The following SH2D4A variants were observed in gnomAD, a reference collection of about 807,000 sequenced individuals.
The protein encoded by SH2D4A is SH2 domain-containing protein 4A.
SH2D4A carries 70 observed loss-of-function variants against 64.7 expected under a neutral mutation model. The observed-to-expected ratio is 1.08, with a 90% CI of 0.89 to 1.32. The LOEUF (loss-of-function observed/expected upper bound fraction) is 1.32, where lower values mean the gene tolerates loss of function less well. Among genes scored for constraint, SH2D4A ranks in the 40% most tolerant of loss-of-function variants. The pLI is 0.00. For missense variants in SH2D4A, 706 were observed against 540.1 expected, an observed-to-expected ratio of 1.31 and a Z score of -3.04; for synonymous variants, 268 against 200.7, an observed-to-expected ratio of 1.34 and a Z score of -2.83.
rs2052146360 is a variant in SH2D4A, at chr8:19,319,427, G to T, written c.-121G>T. On this transcript the variant is annotated 5_prime_UTR_variant, in exon 2 of 10. Coordinates refer to ENST00000265807, the MANE Select transcript of SH2D4A (RefSeq NM_022071.4). ...CTGAATTATTGTCCCAGTCAGCCAG[G>T]ATTGTGAGCTGTTTGGGAAGTTTCG... The T allele has an allele frequency of 7.6e-7, 1 of 1,322,474 alleles. No homozygotes were observed. Among genetic ancestry groups the T allele is most frequent in the Non-Finnish European group, 9.7e-7 (1 of 1,032,818 alleles). 81.9% of individuals were successfully genotyped at this position (1,322,474 alleles called of 1,614,324 possible). A position where few individuals can be genotyped will look rare whatever the true frequency, so the allele number is the denominator to read the frequency against.
chr8:19,346,106 A>C (rs1474822650), intron 4 of SH2D4A, among the ~76,000 whole-genome samples: 1 of 152,270 alleles, frequency 6.6e-6, no homozygotes, highest in Non-Finnish European at 1.5e-5. Context: ...AACAAGTACC[A>C]GATACCTGGA....
chr8:19,378,752 T>C (rs2053237769), intron 8 of SH2D4A, among the ~76,000 whole-genome samples: 1 of 151,882 alleles, frequency 6.6e-6, no homozygotes, highest in African/African-American at 2.4e-5. Context: ...ATATCCATAA[T>C]ACTGTACAAC....
intron 1 of SH2D4A, among the ~76,000 whole-genome samples, chr8:19,315,663 A>G (rs1027801042): frequency 6.6e-6 from 1 of 152,196 alleles, no homozygotes; most frequent in Non-Finnish European, 1.5e-5. Flanking sequence ...CTTTTAAGAA[A>G]GGGGCTGTGT....
In SH2D4A at chr8:19,326,663, AGT is replaced by A. The variant is rs909908221; in HGVS notation, c.182-6279_182-6278del. 6.4e-5 allele frequency among the ~76,000 whole-genome samples: 7 copies of A among 109,456 alleles called. No individual in the cohort carries two copies. The South Asian group carries it at 1.6e-3, about 25-fold the overall frequency. 71.8% of individuals were successfully genotyped at this position (109,456 alleles called of 152,430 possible). ...CCCACATCGTGTGTGTGTATGTGTGAGTGTGTGTGTGTGTAGTGTGTGTGAGA... is the reference window on the plus strand; with the variant it reads ...CCCACATCGTGTGTGTGTATGTGTGAGTGTGTGTGTGTAGTGTGTGTGAGA... On this transcript the variant is annotated intron_variant, in intron 2 of 9. Transcript: ENST00000265807.
rs529466128 is a variant in SH2D4A, at chr8:19,350,538, A to G, written c.514-6665A>G. On this transcript the variant is annotated intron_variant, in intron 4 of 9. Transcript: ENST00000265807. ...TACTCTGTCTCCCAGGCTGGAATGC[A>G]GTGGTGAGATCCTGGCTCACTGTAG... Among the ~76,000 whole-genome samples, 3 of 152,290 alleles carry G rather than the reference A, an allele frequency of 2.0e-5. No individual in the cohort carries two copies. In the East Asian group the frequency reaches 5.8e-4, roughly 29 times the overall value.
chr8:19,364,474 T>A (rs2052954492), intron 7 of SH2D4A, among the ~76,000 whole-genome samples, 192 bp downstream of exon 7: 1 of 152,154 alleles, frequency 6.6e-6, no homozygotes, highest in Non-Finnish European at 1.5e-5. Flanking sequence ...CTTTTTTAGC[T>A]GTCAAATGTC....
At chr8:19,393,927 T>C (rs2053542520) in intron 9 of SH2D4A, among the ~76,000 whole-genome samples, 1 of 152,188 alleles carries the variant, frequency 6.6e-6, no homozygotes, top group African/African-American at 2.4e-5. Flanking sequence ...GCACATTACA[T>C]TGATTGTGCA....
chr8:19,348,545 T>C (rs2052647445), intron 4 of SH2D4A, among the ~76,000 whole-genome samples: 1 of 152,158 alleles, frequency 6.6e-6, no homozygotes, highest in South Asian at 2.1e-4. Context: ...CGCTGTCCAC[T>C]CCGGAACGAT....
intron 2 of SH2D4A, among the ~76,000 whole-genome samples, chr8:19,331,400 G>A (rs946682940): frequency 8.5e-5 from 13 of 152,178 alleles, no homozygotes; most frequent in African/African-American, 3.1e-4. Flanking sequence ...CTTGACTAGA[G>A]GTCCACCTTT....
At chr8:19,381,921 C>G (rs942577372) in intron 8 of SH2D4A, among the ~76,000 whole-genome samples, 1 of 151,812 alleles carries the variant, frequency 6.6e-6, no homozygotes, top group Non-Finnish European at 1.5e-5. Flanking sequence ...TTCATTTATC[C>G]TGTTAATACG....
chr8:19,371,097 TTTTTTAGTCTTCATATTAAGTTCG>T (rs2053087879), intron 7 of SH2D4A, among the ~76,000 whole-genome samples: 1 of 152,150 alleles, frequency 6.6e-6, no homozygotes, highest in Non-Finnish European at 1.5e-5. Flanking sequence ...TGATAGTTCA[TTTTTTAGTCTTCATATTAAGTTCG>T]TTTTTAGTCT....
intron 5 of SH2D4A, among the ~76,000 whole-genome samples, chr8:19,358,629 G>C (rs1364623179): frequency 2.0e-5 from 3 of 152,160 alleles, no homozygotes; most frequent in Admixed American, 6.5e-5. Context: ...GTGGGGAAAG[G>C]GCTGATCATT....
chr8:19,328,355 C>A (rs181405308), intron 2 of SH2D4A, among the ~76,000 whole-genome samples: 5 of 152,140 alleles, frequency 3.3e-5, no homozygotes, highest in African/African-American at 1.2e-4. Flanking sequence ...GCTTCCAAAA[C>A]AGCTTGTTTT....
rs929696115 is a variant in SH2D4A, at chr8:19,331,060, G to T, written c.182-1895G>T. Reference sequence around the variant, plus strand: ...AACAGTAAATGGGAATTCTTTGGTAGTGCAGAGTCTGAGTCTGTTCCCTCT... The same window carrying T: ...AACAGTAAATGGGAATTCTTTGGTATTGCAGAGTCTGAGTCTGTTCCCTCT... On this transcript the variant is annotated intron_variant, in intron 2 of 9. Coordinates refer to ENST00000265807, the MANE Select transcript of SH2D4A (RefSeq NM_022071.4). Among the ~76,000 whole-genome samples the T allele has an allele frequency of 2.0e-5, 3 of 152,180 alleles. No homozygotes were observed. The East Asian group carries it at 5.8e-4, about 29-fold the overall frequency.
At chr8:19,330,255 C>A (rs574684268) in intron 2 of SH2D4A, among the ~76,000 whole-genome samples, 16 of 152,274 alleles carry the variant, frequency 1.1e-4, no homozygotes, top group Admixed American at 4.6e-4. Context: ...CCCCCTCCTC[C>A]TACAGCTTCA....
At chr8:19,359,461 C>A (rs990195049) in intron 5 of SH2D4A, among the ~76,000 whole-genome samples, 1 of 152,090 alleles carries the variant, frequency 6.6e-6, no homozygotes, top group African/African-American at 2.4e-5. Context: ...GTTTCCTAAC[C>A]GTTTAAAAAT....
At chr8:19,323,340 C>T (rs1312810324) in intron 2 of SH2D4A, among the ~76,000 whole-genome samples, 1 of 151,136 alleles carries the variant, frequency 6.6e-6, no homozygotes, top group Non-Finnish European at 1.5e-5. Flanking sequence ...TTTTGTATAT[C>T]TTGGGTAAAG....
At chr8:19,343,715 C>T (rs766952407) in intron 4 of SH2D4A, among the ~76,000 whole-genome samples, 6 of 152,134 alleles carry the variant, frequency 3.9e-5, no homozygotes, top group South Asian at 2.1e-4. Flanking sequence ...AGCAAATATC[C>T]GTCAAGGTTT....
intron 7 of SH2D4A, among the ~76,000 whole-genome samples, chr8:19,370,002 T>A (rs948416459): frequency 1.3e-5 from 2 of 152,110 alleles, no homozygotes; most frequent in Non-Finnish European, 2.9e-5. Context: ...GGATTTGGTA[T>A]GTTGTTTTCA....
Sources: gnomAD v4.1 joint callset for allele counts (sites outside exome capture counted in the v4.1 genomes callset) on GRCh38, gnomAD v4.1.1 for gene constraint, MANE v1.5 for transcripts, NCBI Gene and HGNC (gene_info 2026-07-23, HGNC 2026-07-21) for gene names.